The following PCDHGC3 variants were observed in gnomAD, a reference collection of about 807,000 sequenced individuals.
PCDHGC3 encodes the protein protocadherin gamma subfamily C, 3, also known as protocadherin gamma-C3.
PCDHGC3 carries 26 observed loss-of-function variants against 59.2 expected under a neutral mutation model. That is an observed-to-expected ratio of 0.44 (90% CI 0.32 to 0.61). PCDHGC3 has a LOEUF of 0.61. PCDHGC3 is among the 20% of genes least tolerant of loss of function. The probability of loss-of-function intolerance (pLI) is 0.05; values close to 1 mark genes in which losing one functional copy is unlikely to be tolerated. For synonymous variants in PCDHGC3, 487 were observed against 519.7 expected (o/e 0.94, Z 0.86); for missense variants, 1,080 against 1,221.8 (o/e 0.88, Z 1.73).
intron 2 of PCDHGC3, among the ~76,000 whole-genome samples, chr5:141,496,116 C>G (rs1435887981): frequency 6.6e-6 from 1 of 152,178 alleles, no homozygotes; most frequent in Middle Eastern, 3.4e-3. Flanking sequence ...TCTCTTCCTT[C>G]CCTGCCCCTC....
At chr5:141,495,013 T>C (rs2099758300) in intron 2 of PCDHGC3, 148 bp downstream of exon 2, 12 of 1,511,014 alleles carry the variant, frequency 7.9e-6, no homozygotes, top group Non-Finnish European at 1.1e-5. Context: ...TGCGGGGGGC[T>C]GGCACACAGA....
chr5:141,490,808 A>C lies in PCDHGC3; in HGVS notation c.2431-3999A>C. On this transcript the variant is annotated intron_variant, in intron 1 of 3. Coordinates refer to ENST00000308177, the MANE Select transcript of PCDHGC3 (RefSeq NM_002588.4). The surrounding 1 kb of genome is among the most constrained non-coding windows in gnomAD (Gnocchi z 5.4). The stretch of plus-strand genomic sequence containing the variant: ...CGGATCTTTGCCCAGCGTACCTTTG[A>C]CTATGAATTGCTGCAGATGCTGCAG... 1 of 1,613,884 alleles carries C rather than the reference A, an allele frequency of 6.2e-7. No homozygotes were observed. The highest frequency in any genetic ancestry group is 8.5e-7 in the Non-Finnish European group (1 of 1,179,874).
rs1203060261 is a variant in PCDHGC3, at chr5:141,493,037, AG to A, written c.2431-1768del. 3.3e-5 allele frequency among the ~76,000 whole-genome samples: 5 copies of A among 152,252 alleles called. No individual in the cohort carries two copies. The highest frequency in any genetic ancestry group is 2.6e-4 in the Admixed American group (4 of 15,290). ...AGATGCCAGGGTGCCCTTATGTGTG[AG>A]GAAACTACAATAGTAAAAAACACAA... is the stretch of plus-strand genomic sequence containing the variant. On this transcript the variant is annotated intron_variant, in intron 1 of 3. Transcript: ENST00000308177. This position sits in a 1 kb window ranked among gnomAD's most constrained non-coding sequence, Gnocchi z 4.3.
chr5:141,485,374 T>A lies in PCDHGC3; in HGVS notation c.2430+6828T>A. Reference sequence around the variant, plus strand: ...TGTCAGCTCGCAGGCTGCAGGTCGCTGGAGAGGTGAACCAAAGACACTTCC... The same window carrying A: ...TGTCAGCTCGCAGGCTGCAGGTCGCAGGAGAGGTGAACCAAAGACACTTCC... On this transcript the variant is annotated intron_variant, in intron 1 of 3. Coordinates refer to ENST00000308177, the MANE Select transcript of PCDHGC3 (RefSeq NM_002588.4). The surrounding 1 kb of genome is among the most constrained non-coding windows in gnomAD (Gnocchi z 5.7). The A allele has an allele frequency of 1.2e-6, 2 of 1,614,082 alleles. No homozygotes were observed. Among genetic ancestry groups the A allele is most frequent in the Non-Finnish European group, 1.7e-6 (2 of 1,179,998 alleles).
intron 3 of PCDHGC3, among the ~76,000 whole-genome samples, chr5:141,505,973 G>A (rs1207489923): frequency 6.6e-6 from 1 of 152,166 alleles, no homozygotes; most frequent in Non-Finnish European, 1.5e-5. Context: ...ATCCCCAGCC[G>A]AGAGAACACC....
chr5:141,476,158 G>A lies in PCDHGC3; in HGVS notation c.42G>A (p.Gly14=). 2 of 1,612,868 alleles carry A rather than the reference G, an allele frequency of 1.2e-6. No homozygotes were observed. Among genetic ancestry groups the A allele is most frequent in the Non-Finnish European group, 1.7e-6 (2 of 1,179,894 alleles). Residue 14 remains glycine (G), a synonymous_variant, in exon 1 of 4, where the codon GGG becomes GGA. Transcript: ENST00000308177. The surrounding 1 kb of genome is among the most constrained non-coding windows in gnomAD (Gnocchi z 7.6). ...EAWRSGLVST[G]RVVGVLLLLG... is the part of the protein sequence containing the mutation. ...GGAGGAGCGGACTGGTAAGCACCGGGAGGGTAGTGGGAGTTTTGCTTCTGC... is the reference window on the plus strand; with the variant it reads ...GGAGGAGCGGACTGGTAAGCACCGGAAGGGTAGTGGGAGTTTTGCTTCTGC...
At chr5:141,508,841 C>G (rs969875150) in intron 3 of PCDHGC3, among the ~76,000 whole-genome samples, 1 of 152,140 alleles carries the variant, frequency 6.6e-6, no homozygotes, top group Admixed American at 6.5e-5. Flanking sequence ...TCCCCTACCC[C>G]TTCCATTCCC....
At chr5:141,495,452 C>T (rs543717781) in intron 2 of PCDHGC3, among the ~76,000 whole-genome samples, 1 of 152,356 alleles carries the variant, frequency 6.6e-6, no homozygotes, top group Non-Finnish European at 1.5e-5. Context: ...TTGTCCTGCT[C>T]TCTGTCTGTG....
At chr5:141,496,076 C>A (rs2099765713) in intron 2 of PCDHGC3, among the ~76,000 whole-genome samples, 1 of 152,010 alleles carries the variant, frequency 6.6e-6, no homozygotes, top group Non-Finnish European at 1.5e-5. Context: ...GCACACACAA[C>A]CCCCCACCCA....
At chr5:141,505,599 G>T in intron 3 of PCDHGC3, 118 bp downstream of exon 3, 1 of 1,555,586 alleles carries the variant, frequency 6.4e-7, no homozygotes, top group Non-Finnish European at 8.7e-7. Context: ...CAGATCTTTC[G>T]GCAGGTCTGA....
intron 1 of PCDHGC3, among the ~76,000 whole-genome samples, chr5:141,492,622 C>A (rs2099742615): frequency 6.6e-6 from 1 of 152,218 alleles, no homozygotes; most frequent in South Asian, 2.1e-4. Flanking sequence ...GCCGGGCGGG[C>A]AGGACTCTAC....
Position 141,485,966 on chromosome 5 carries a change from A to T in PCDHGC3, c.2430+7420A>T. ...AGCGGGCATGGTGCTCATCCAGCTC[A>T]ATGCCTCAGACCCGGACCTGGGTCC... On this transcript the variant is annotated intron_variant, in intron 1 of 3. Coordinates refer to ENST00000308177, the MANE Select transcript of PCDHGC3 (RefSeq NM_002588.4). The surrounding 1 kb of genome is among the most constrained non-coding windows in gnomAD (Gnocchi z 5.7). 1 of 1,614,168 alleles carries T rather than the reference A, an allele frequency of 6.2e-7. No individual in the cohort carries two copies. Among genetic ancestry groups the T allele is most frequent in the Non-Finnish European group, 8.5e-7 (1 of 1,179,988 alleles).
At position 141,477,213 on chromosome 5, in the gene PCDHGC3, C is replaced by G; in HGVS notation, c.1097C>G (p.Pro366Arg). ...SVYSPVPEDAPLGTVIALLSV... is the reference protein window; with the variant it reads ...SVYSPVPEDARLGTVIALLSV... ...TACAGCCCAGTACCCGAGGATGCCC[C>G]TCTGGGGACTGTCATCGCTTTGCTC... is the stretch of plus-strand genomic sequence containing the variant. Residue 366 changes from proline to arginine, a missense_variant, in exon 1 of 4, where the codon CCT becomes CGT. Coordinates refer to ENST00000308177, the MANE Select transcript of PCDHGC3 (RefSeq NM_002588.4). The surrounding 1 kb of genome is among the most constrained non-coding windows in gnomAD (Gnocchi z 4.9). 6.2e-7 allele frequency: 1 copy of G among 1,614,184 alleles called. No individual in the cohort carries two copies.
chr5:141,502,238 T>C (rs2099813398), intron 2 of PCDHGC3, among the ~76,000 whole-genome samples: 1 of 152,204 alleles, frequency 6.6e-6, no homozygotes, highest in Admixed American at 6.5e-5. Flanking sequence ...TGTGTTCTTT[T>C]ATCCTTTTTT....
rs1259562533 is a variant in PCDHGC3 at position 141,482,788 on chromosome 5, G to T, written c.2430+4242G>T. 2.6e-5 allele frequency among the ~76,000 whole-genome samples: 4 copies of T among 152,184 alleles called. 1 individual carries two copies. Among genetic ancestry groups the T allele is most frequent in the Admixed American group, 2.6e-4 (4 of 15,278 alleles). ...TATCACTGAACCTTAAACTGTGTGTGTGGCCGGGTACGGTGGCTCATGCCT... is the reference window on the plus strand; with the variant it reads ...TATCACTGAACCTTAAACTGTGTGTTTGGCCGGGTACGGTGGCTCATGCCT... On this transcript the variant is annotated intron_variant, in intron 1 of 3. Transcript: ENST00000308177.
In PCDHGC3 at chr5:141,485,234, T is replaced by A. The variant is rs780126313; in HGVS notation, c.2430+6688T>A. 1 of 1,614,124 alleles carries A rather than the reference T, an allele frequency of 6.2e-7. No homozygotes were observed. The highest frequency in any genetic ancestry group is 1.1e-5 in the South Asian group (1 of 91,080). On this transcript the variant is annotated intron_variant, in intron 1 of 3. Transcript: ENST00000308177. This position sits in a 1 kb window ranked among gnomAD's most constrained non-coding sequence, Gnocchi z 5.7. ...GCGGTGGGCTACCCTTTTGTTCCTC[T>A]TTTACCACCTGGGTTACGTTTGTGG...
intron 1 of PCDHGC3, among the ~76,000 whole-genome samples, chr5:141,494,529 G>C (rs952931724): frequency 1.3e-5 from 2 of 152,132 alleles, no homozygotes; most frequent in African/African-American, 4.8e-5. Flanking sequence ...TCTGACTCTG[G>C]GGGCAGGGAG....
In PCDHGC3 at chr5:141,487,869, G is replaced by T; in HGVS notation, c.2431-6938G>T. On this transcript the variant is annotated intron_variant, in intron 1 of 3. Transcript: ENST00000308177. This position sits in a 1 kb window ranked among gnomAD's most constrained non-coding sequence, Gnocchi z 5.0. ...AAATGAAAGTAATTGGTGATCAAGA[G>T]CCAGGCTGTTGTGGAAGCATGATGA... 1.1e-6 allele frequency: 1 copy of T among 871,620 alleles called. No individual in the cohort carries two copies. The highest frequency in any genetic ancestry group is 1.7e-6 in the Non-Finnish European group (1 of 574,346). The allele number at this position is 871,620 out of a possible 1,614,324, so 54.0% of individuals were successfully genotyped here. A position where few individuals can be genotyped will look rare whatever the true frequency, so the allele number is the denominator to read the frequency against.
chr5:141,487,921 A>G lies in PCDHGC3; in HGVS notation c.2431-6886A>G, dbSNP rs17097340. On this transcript the variant is annotated intron_variant, in intron 1 of 3. Coordinates refer to ENST00000308177, the MANE Select transcript of PCDHGC3 (RefSeq NM_002588.4). This position sits in a 1 kb window ranked among gnomAD's most constrained non-coding sequence, Gnocchi z 5.0. ...GGAATGTGGGAGCACAGGAGGCTAC[A>G]GTGCACAGGGTACAGTGCACCAGGC... 0.15 allele frequency: 93,556 copies of G among 639,124 alleles called. 7,160 individuals carry two copies. The highest frequency in any genetic ancestry group is 0.21 in the African/African-American group (11,270 of 54,532). 39.6% of individuals were successfully genotyped at this position (639,124 alleles called of 1,614,324 possible).
Sources: allele counts gnomAD v4.1 joint callset (sites outside exome capture counted in the v4.1 genomes callset), GRCh38; gene constraint gnomAD v4.1.1; non-coding constraint Gnocchi (gnomAD v3.1); transcripts MANE v1.5; gene names NCBI Gene and HGNC (gene_info 2026-07-23, HGNC 2026-07-21).